The following VPS26C variants were observed in gnomAD, a reference collection of about 807,000 sequenced individuals.
The protein encoded by VPS26C is vacuolar protein sorting-associated protein 26C.
In VPS26C, 19 loss-of-function variants were observed where a neutral mutation model predicts 30.6. That is an observed-to-expected ratio of 0.62 (90% CI 0.43 to 0.91). VPS26C has a LOEUF of 0.91. Among genes scored for constraint, VPS26C ranks in the 40% least tolerant of loss-of-function variants. VPS26C has a pLI of 0.00. For missense variants in VPS26C, 318 were observed against 385.1 expected (o/e 0.83, Z 1.46); for synonymous variants, 132 against 151.5 (o/e 0.87, Z 0.95).
At chr21:37,234,990 C>T (rs75844320) in intron 3 of VPS26C, among the ~76,000 whole-genome samples, 17 of 184 alleles carry the variant, frequency 0.092, no homozygotes, top group Non-Finnish European at 0.17. Flanking sequence ...TTACAGGGGC[C>T]GCGCCACCAT....
chr21:37,243,494 G>A (rs548394686), intron 1 of VPS26C, among the ~76,000 whole-genome samples: 1 of 152,194 alleles, frequency 6.6e-6, no homozygotes, highest in Admixed American at 6.5e-5. Context: ...AGAGAAGCCA[G>A]CACAGACACT....
intron 7 of VPS26C, 71 bp from the exon 8 acceptor site, chr21:37,225,697 G>T: frequency 7.6e-7 from 1 of 1,316,392 alleles, no homozygotes; most frequent in Non-Finnish European, 1.1e-6. Context: ...CGCCACCACT[G>T]CAGTCGCAGG....
chr21:37,225,457 C>T lies in VPS26C; in HGVS notation c.*87G>A. 3 of 1,123,744 alleles carry T rather than the reference C, an allele frequency of 2.7e-6. No individual in the cohort carries two copies. Among genetic ancestry groups the T allele is most frequent in the Non-Finnish European group, 4.1e-6 (3 of 739,976 alleles). The allele number at this position is 1,123,744 out of a possible 1,614,324, so 69.6% of individuals were successfully genotyped here. A position where few individuals can be genotyped will look rare whatever the true frequency, so the allele number is the denominator to read the frequency against. On this transcript the variant is annotated 3_prime_UTR_variant, in exon 8 of 8. Coordinates refer to ENST00000309117, the MANE Select transcript of VPS26C (RefSeq NM_006052.2). ...GAATAATCACAAAAACAAGTATATG[C>T]CGCTGGCTGTAGCTCCCCTTAGGAT...
In VPS26C at chr21:37,232,379, C is replaced by T; in HGVS notation, c.505G>A (p.Glu169Lys). Residue 169 changes from glutamate (E) to lysine (K), a missense_variant and splice_region_variant, in exon 5 of 8, where the codon GAG becomes AAG. Glu to Lys is a moderately conservative substitution (Grantham distance 56, BLOSUM62 1). Coordinates refer to ENST00000309117, the MANE Select transcript of VPS26C (RefSeq NM_006052.2). Reference sequence around the variant, plus strand: ...TTCGCCTGTGCAGGACGTCTTACCTCTTTGACGTTCTGTAAGGTTTCAGGT... The same window carrying T: ...TTCGCCTGTGCAGGACGTCTTACCTTTTTGACGTTCTGTAAGGTTTCAGGT... ...ITPETLQNVK[E>K]RALLPKFLLR... 6.2e-7 allele frequency: 1 copy of T among 1,613,988 alleles called. No homozygotes were observed. The highest frequency in any genetic ancestry group is 1.1e-5 in the South Asian group (1 of 91,070).
chr21:37,257,951 G>A lies in VPS26C; in HGVS notation c.57+9287C>T, dbSNP rs1454927556. On this transcript the variant is annotated intron_variant, in intron 1 of 7. Coordinates refer to ENST00000309117, the MANE Select transcript of VPS26C (RefSeq NM_006052.2). This position sits in a 1 kb window ranked among gnomAD's most constrained non-coding sequence, Gnocchi z 4.2. ...CATGCAGCGCCCACCAGCCGGCAGC[G>A]CCCACCAGCCTGCGCTGCGCTGCAC... Among the ~76,000 whole-genome samples the A allele has an allele frequency of 2.6e-5, 4 of 152,220 alleles. No individual in the cohort carries two copies. Among genetic ancestry groups the A allele is most frequent in the Non-Finnish European group, 4.4e-5 (3 of 68,048 alleles).
chr21:37,224,203 A>ATGT lies in VPS26C; in HGVS notation c.*1338_*1340dup, dbSNP rs969379031. 2 of 152,184 alleles carry ATGT rather than the reference A, an allele frequency of 1.3e-5. No homozygotes were observed. Among genetic ancestry groups the ATGT allele is most frequent in the African/African-American group, 4.8e-5 (2 of 41,422 alleles). 9.4% of individuals were successfully genotyped at this position (152,184 alleles called of 1,614,324 possible). ...CCAGTAACAACAGGAGCAAACATACATGTTTTCCCCTCATGTAACTTTGCA... is the reference window on the plus strand; with the variant it reads ...CCAGTAACAACAGGAGCAAACATACATGTTGTTTTCCCCTCATGTAACTTTGCA... On this transcript the variant is annotated 3_prime_UTR_variant, in exon 8 of 8. Transcript: ENST00000309117.
upstream of VPS26C, chr21:37,267,626 AGCGGAG>A (rs2086383646): frequency 2.9e-6 from 1 of 340,564 alleles, no homozygotes; most frequent in South Asian, 4.0e-5. Context: ...TGTCCGGGTT[AGCGGAG>A]GGAGGGAGGA....
At chr21:37,266,475 A>G (rs2086363128) in intron 1 of VPS26C, among the ~76,000 whole-genome samples, 1 of 152,144 alleles carries the variant, frequency 6.6e-6, no homozygotes, top group African/African-American at 2.4e-5. Context: ...GTGGAACCCA[A>G]GCAATCATAT....
At chr21:37,254,227 G>A (rs979699275) in intron 1 of VPS26C, among the ~76,000 whole-genome samples, 1 of 152,200 alleles carries the variant, frequency 6.6e-6, no homozygotes, top group Non-Finnish European at 1.5e-5. Flanking sequence ...TATGAATCAC[G>A]ATAGTGCAGC....
chr21:37,243,932 T>C (rs2086112621), intron 1 of VPS26C, among the ~76,000 whole-genome samples: 1 of 152,208 alleles, frequency 6.6e-6, no homozygotes, highest in African/African-American at 2.4e-5. Context: ...TGGGCAGCTG[T>C]CCTCTCTTTG....
At chr21:37,255,807 A>G (rs1357215032) in intron 1 of VPS26C, among the ~76,000 whole-genome samples, 2 of 151,028 alleles carry the variant, frequency 1.3e-5, no homozygotes, top group African/African-American at 2.5e-5. Flanking sequence ...TAAATGCTCC[A>G]GTAAATAAAG....
At chr21:37,261,397 A>C (rs1454221347) in intron 1 of VPS26C, 1 of 152,118 alleles carries the variant, frequency 6.6e-6, no homozygotes, top group African/African-American at 2.4e-5. Flanking sequence ...GTAGCTTCAT[A>C]GTTTCGGATC....
chr21:37,267,231 C>T lies in VPS26C; in HGVS notation c.57+7G>A, dbSNP rs2086376727. ...CACCTCCATCCCCACCCCCAGCCCC[C>T]ACTTACCCCGGCGTGATAAACTTTA... is the stretch of plus-strand genomic sequence containing the variant. On this transcript the variant is annotated splice_region_variant and intron_variant, in intron 1 of 7. Coordinates refer to ENST00000309117, the MANE Select transcript of VPS26C (RefSeq NM_006052.2). 1.9e-6 allele frequency: 3 copies of T among 1,597,260 alleles called. No individual in the cohort carries two copies. In the South Asian group the frequency reaches 3.3e-5, roughly 18 times the overall value.
chr21:37,248,324 G>T (rs182353721), intron 1 of VPS26C, among the ~76,000 whole-genome samples: 2 of 101,802 alleles, frequency 2.0e-5, no homozygotes, highest in Admixed American at 1.3e-4. Flanking sequence ...AGTCCAATAG[G>T]TCTTTCTTCT....
At chr21:37,246,546 C>A (rs1031394509) in intron 1 of VPS26C, among the ~76,000 whole-genome samples, 1 of 152,002 alleles carries the variant, frequency 6.6e-6, no homozygotes, top group East Asian at 1.9e-4. Flanking sequence ...GTCAAAAGAA[C>A]CAACTGTGAG....
chr21:37,252,962 G>T (rs1007364803), intron 1 of VPS26C, among the ~76,000 whole-genome samples: 1 of 152,158 alleles, frequency 6.6e-6, no homozygotes, highest in African/African-American at 2.4e-5. Flanking sequence ...ATCTTGAATT[G>T]TGGGTGGCTA....
At chr21:37,246,414 T>TA (rs1297692234) in intron 1 of VPS26C, among the ~76,000 whole-genome samples, 51 of 149,774 alleles carry the variant, frequency 3.4e-4, no homozygotes, top group Admixed American at 3.3e-3. Context: ...TGTGCAAAAA[T>TA]AAAAAAACCC....
chr21:37,237,145 T>C (rs2086034094), intron 3 of VPS26C, among the ~76,000 whole-genome samples: 5 of 152,180 alleles, frequency 3.3e-5, no homozygotes, highest in Admixed American at 3.3e-4. Context: ...AGGATGGGGT[T>C]TCCAATTTGA....
At chr21:37,243,190 G>A (rs987927444) in intron 1 of VPS26C, among the ~76,000 whole-genome samples, 3 of 152,178 alleles carry the variant, frequency 2.0e-5, no homozygotes, top group African/African-American at 2.4e-5. Flanking sequence ...TCAGATTTTC[G>A]TCTAGACTTT....
Sources: gnomAD v4.1 joint callset for allele counts (sites outside exome capture counted in the v4.1 genomes callset) on GRCh38, gnomAD v4.1.1 for gene constraint, Gnocchi (gnomAD v3.1) non-coding constraint, MANE v1.5 for transcripts, NCBI Gene and HGNC (gene_info 2026-07-23, HGNC 2026-07-21) for gene names.